The following IFT80 variants were observed in gnomAD, a reference collection of about 807,000 sequenced individuals.
The protein encoded by IFT80 is intraflagellar transport 80.
Under a neutral mutation model 107.9 loss-of-function variants are expected in IFT80, and 79 were observed. That is an observed-to-expected ratio of 0.73 (90% CI 0.61 to 0.88). IFT80 has a LOEUF of 0.88. IFT80 is among the 40% of genes least tolerant of loss of function. IFT80 has a pLI of 0.00. For synonymous variants in IFT80, 299 were observed against 300.9 expected (o/e 0.99, Z 0.07); for missense variants, 797 against 914.2 (o/e 0.87, Z 1.65).
chr3:160,328,220 G>A (rs907758162), intron 8 of IFT80, among the ~76,000 whole-genome samples: 3 of 151,938 alleles, frequency 2.0e-5, no homozygotes, highest in Admixed American at 6.6e-5. Context: ...CCAGCACTTC[G>A]GGAGCCTGAG....
chr3:160,362,223 C>G (rs1310849385), intron 6 of IFT80, among the ~76,000 whole-genome samples: 1 of 152,132 alleles, frequency 6.6e-6, no homozygotes, highest in Non-Finnish European at 1.5e-5. Context: ...GAAATACAAA[C>G]TACCATCAGA....
chr3:160,378,688 C>T (rs1712231428), intron 3 of IFT80, among the ~76,000 whole-genome samples: 1 of 151,404 alleles, frequency 6.6e-6, no homozygotes, highest in Admixed American at 6.6e-5. Flanking sequence ...GGGGCTCCCA[C>T]TGGCCAAATC....
At chr3:160,359,224 A>T (rs1250548031) in intron 6 of IFT80, among the ~76,000 whole-genome samples, 2 of 152,192 alleles carry the variant, frequency 1.3e-5, no homozygotes, top group Admixed American at 6.5e-5. Flanking sequence ...TTGGCAATGG[A>T]TACTTTGATT....
At chr3:160,373,283 G>C (rs1428837918) in intron 5 of IFT80, among the ~76,000 whole-genome samples, 1 of 152,150 alleles carries the variant, frequency 6.6e-6, no homozygotes, top group Non-Finnish European at 1.5e-5. Context: ...ATCTATTTGT[G>C]ATCTCCAATT....
intron 8 of IFT80, among the ~76,000 whole-genome samples, chr3:160,322,490 C>T (rs747239103): frequency 4.6e-5 from 7 of 151,904 alleles, no homozygotes; most frequent in African/African-American, 2.4e-5. Context: ...GTGCTACAAT[C>T]AATATACGTG....
intron 9 of IFT80, among the ~76,000 whole-genome samples, chr3:160,317,138 C>A (rs1717881804): frequency 6.6e-6 from 1 of 152,056 alleles, no homozygotes; most frequent in Non-Finnish European, 1.5e-5. Context: ...CTGTATTCCT[C>A]ATTACTTAGC....
At chr3:160,346,440 T>C (rs1268015089) in intron 8 of IFT80, among the ~76,000 whole-genome samples, 3 of 152,222 alleles carry the variant, frequency 2.0e-5, no homozygotes, top group South Asian at 2.1e-4. Flanking sequence ...ATAAGTCCAA[T>C]GCTGGGCATT....
chr3:160,366,078 T>C lies in IFT80; in HGVS notation c.514A>G (p.Ile172Val), dbSNP rs2108377832. 3 of 1,612,788 alleles carry C rather than the reference T, an allele frequency of 1.9e-6. No homozygotes were observed. Among genetic ancestry groups the C allele is most frequent in the Non-Finnish European group, 2.5e-6 (3 of 1,179,134 alleles). ...VLYTAGKQLIIKPLQPNAKVL... is the reference protein window; with the variant it reads ...VLYTAGKQLIVKPLQPNAKVL... ...TTAGCATTTGGTTGAAGAGGTTTAA[T>C]GATTAGCTGCTTGCCTGCTGTATAA... Residue 172 changes from isoleucine to valine, a missense_variant, in exon 6 of 20, where the codon ATT becomes GTT. Coordinates refer to ENST00000326448, the MANE Select transcript of IFT80 (RefSeq NM_020800.3).
At chr3:160,350,243 C>T (rs144349846) in intron 8 of IFT80, among the ~76,000 whole-genome samples, 2,446 of 151,424 alleles carry the variant, frequency 0.016, 45 homozygotes, top group Non-Finnish European at 0.02. Context: ...GGTGAAACCC[C>T]GTATCTACTA....
At chr3:160,302,440 C>CT (rs1164117802) in intron 11 of IFT80, among the ~76,000 whole-genome samples, 1 of 151,914 alleles carries the variant, frequency 6.6e-6, no homozygotes, top group Admixed American at 6.6e-5. Flanking sequence ...GTATATATTC[C>CT]TTTGTCTCAG....
At chr3:160,306,345 TG>T (rs1716826087) in intron 10 of IFT80, among the ~76,000 whole-genome samples, 1 of 152,156 alleles carries the variant, frequency 6.6e-6, no homozygotes, top group African/African-American at 2.4e-5. Context: ...AGTAGAATAA[TG>T]GGGAAGTTAT....
chr3:160,380,514 T>C (rs914472485), intron 3 of IFT80, among the ~76,000 whole-genome samples: 1 of 152,168 alleles, frequency 6.6e-6, no homozygotes, highest in Admixed American at 6.5e-5. Flanking sequence ...AGGGACCCGA[T>C]GCAACTAGTG....
rs537674871 is a variant in IFT80, at chr3:160,371,745, A to G, written c.439+4067T>C. ...GCATGAGCCACTGTGCCCAGCCACA[A>G]TTACTTATATTTACAGTTTACCTCC... On this transcript the variant is annotated intron_variant, in intron 5 of 19. Transcript: ENST00000326448. Among the ~76,000 whole-genome samples, 20 of 152,290 alleles carry G rather than the reference A, an allele frequency of 1.3e-4. No homozygotes were observed. The South Asian group carries it at 3.9e-3, about 30-fold the overall frequency.
At chr3:160,335,234 CT>C (rs547574888) in intron 8 of IFT80, among the ~76,000 whole-genome samples, 293 of 136,508 alleles carry the variant, frequency 2.1e-3, no homozygotes, top group South Asian at 3.8e-3. Context: ...TTCTTTTTTT[CT>C]TTTTTTTTTT....
chr3:160,382,754 T>C (rs968308389), intron 2 of IFT80, among the ~76,000 whole-genome samples: 1 of 152,212 alleles, frequency 6.6e-6, no homozygotes, highest in Non-Finnish European at 1.5e-5. Context: ...TGAGCAATAA[T>C]ACAATTGCTT....
At chr3:160,332,537 G>A (rs1719165839) in intron 8 of IFT80, among the ~76,000 whole-genome samples, 1 of 152,176 alleles carries the variant, frequency 6.6e-6, no homozygotes, top group Non-Finnish European at 1.5e-5. Context: ...TTTGGGATAT[G>A]GGGCCTTATC....
intron 1 of IFT80, among the ~76,000 whole-genome samples, chr3:160,387,252 T>C (rs1161535488): frequency 6.6e-6 from 1 of 152,220 alleles, no homozygotes; most frequent in African/African-American, 2.4e-5. Context: ...ACGCCTGTAA[T>C]CCCAGCACTT....
intron 12 of IFT80, among the ~76,000 whole-genome samples, chr3:160,293,395 A>G (rs930390394): frequency 1.3e-5 from 2 of 152,216 alleles, no homozygotes; most frequent in East Asian, 1.9e-4. Flanking sequence ...ACAATATGGT[A>G]TAACACTGGA....
chr3:160,310,971 A>C (rs566909032), intron 9 of IFT80, among the ~76,000 whole-genome samples: 1 of 152,206 alleles, frequency 6.6e-6, no homozygotes, highest in East Asian at 1.9e-4. Flanking sequence ...AACAAACAAA[A>C]AAAATTAGCT....
Sources: gnomAD v4.1 joint callset for allele counts (sites outside exome capture counted in the v4.1 genomes callset) on GRCh38, gnomAD v4.1.1 for gene constraint, MANE v1.5 for transcripts, NCBI Gene and HGNC (gene_info 2026-07-23, HGNC 2026-07-21) for gene names.